PDE11A: variants seen among roughly 807,000 people sequenced by gnomAD.
PDE11A encodes dual 3',5'-cyclic-AMP and -GMP phosphodiesterase 11A.
Under a neutral mutation model 100.5 loss-of-function variants are expected in PDE11A, and 100 were observed. The observed-to-expected ratio is 1.00, with a 90% CI of 0.85 to 1.18. The LOEUF (loss-of-function observed/expected upper bound fraction) is 1.18. Ranked by LOEUF, PDE11A falls within the 50% of genes most tolerant of loss-of-function variation. The pLI is 0.00. For synonymous variants in PDE11A, 381 were observed against 420.8 expected, an observed-to-expected ratio of 0.91 and a Z score of 1.16; for missense variants, 1,141 against 1,152.6, an observed-to-expected ratio of 0.99 and a Z score of 0.15.
chr2:177,884,193 T>C (rs1050816166), intron 4 of PDE11A, among the ~76,000 whole-genome samples: 2 of 152,144 alleles, frequency 1.3e-5, no homozygotes, highest in Non-Finnish European at 2.9e-5. Context: ...TCCCCCAAAA[T>C]AGTAATGATA....
intron 2 of PDE11A, among the ~76,000 whole-genome samples, chr2:177,923,716 T>C (rs1161512106): frequency 1.3e-5 from 2 of 152,228 alleles, no homozygotes; most frequent in Non-Finnish European, 2.9e-5. Context: ...AGATAATAAA[T>C]GTACACAAAT....
intron 19 of PDE11A, among the ~76,000 whole-genome samples, chr2:177,641,590 C>T (rs531631309): frequency 7.2e-5 from 11 of 152,248 alleles, no homozygotes; most frequent in Middle Eastern, 3.4e-3. Flanking sequence ...AGTTCAATGG[C>T]TTTTGAAACT....
At chr2:177,743,660 T>C (rs1220368461) in intron 10 of PDE11A, among the ~76,000 whole-genome samples, 1 of 152,170 alleles carries the variant, frequency 6.6e-6, no homozygotes, top group East Asian at 1.9e-4. Flanking sequence ...CTGCAGTTAG[T>C]TTCTTGTTGA....
chr2:177,844,362 C>A (rs144374057), intron 5 of PDE11A, among the ~76,000 whole-genome samples: 6 of 152,072 alleles, frequency 3.9e-5, no homozygotes, highest in Admixed American at 1.3e-4. Flanking sequence ...TTCATAAGAG[C>A]TCCACCCCCA....
intron 17 of PDE11A, among the ~76,000 whole-genome samples, chr2:177,672,623 A>T (rs1306320713): frequency 6.6e-6 from 1 of 152,222 alleles, no homozygotes; most frequent in Non-Finnish European, 1.5e-5. Context: ...ATAAACTTAC[A>T]GTCTTCGGAG....
chr2:177,924,452 C>A (rs13400109), intron 2 of PDE11A, among the ~76,000 whole-genome samples: 4 of 152,078 alleles, frequency 2.6e-5, no homozygotes, highest in Non-Finnish European at 5.9e-5. Context: ...AGTTTGATTC[C>A]ATGACTTCTC....
At chr2:178,102,428 G>GTTT (rs769341186) in intron 2 of PDE11A, among the ~76,000 whole-genome samples, 5 of 55,366 alleles carry the variant, frequency 9.0e-5, no homozygotes, top group African/African-American at 2.3e-4. Context: ...CCTGGTCTAA[G>GTTT]TTTTTTTTTT....
intron 1 of PDE11A, among the ~76,000 whole-genome samples, chr2:178,042,787 A>ACC (rs2086700629): frequency 6.7e-6 from 1 of 150,128 alleles, no homozygotes; most frequent in Admixed American, 6.8e-5. Flanking sequence ...CTCTAAAATT[A>ACC]TAACTATATT....
At position 177,624,359 on chromosome 2, in the gene PDE11A, T is replaced by C. The variant is rs1390566167; in HGVS notation, c.*5048A>G. 1 of 152,022 alleles carries C rather than the reference T, an allele frequency of 6.6e-6. No homozygotes were observed. The highest frequency in any genetic ancestry group is 1.5e-5 in the Non-Finnish European group (1 of 67,994). 9.4% of individuals were successfully genotyped at this position (152,022 alleles called of 1,614,324 possible). A position where few individuals can be genotyped will look rare whatever the true frequency, so the allele number is the denominator to read the frequency against. ...ACTGGAAGGAAATTGTTTCACACTA[T>C]TACTGGAGATGAAACTGGTTTTTGT... On this transcript the variant is annotated 3_prime_UTR_variant, in exon 20 of 20. Coordinates refer to ENST00000286063, the MANE Select transcript of PDE11A (RefSeq NM_016953.4).
chr2:178,064,688 G>A (rs1455004614), intron 1 of PDE11A, among the ~76,000 whole-genome samples: 4 of 150,662 alleles, frequency 2.7e-5, no homozygotes, highest in East Asian at 2.0e-4. Flanking sequence ...GCCGGGCTCA[G>A]TGGCACACAT....
chr2:177,759,417 A>G (rs1013240453), intron 10 of PDE11A, among the ~76,000 whole-genome samples: 3 of 152,170 alleles, frequency 2.0e-5, no homozygotes, highest in East Asian at 1.9e-4. Flanking sequence ...TATTCCCCCA[A>G]ATAGTCTCTA....
chr2:177,869,158 C>T (rs1051221840), intron 5 of PDE11A, among the ~76,000 whole-genome samples: 1 of 152,226 alleles, frequency 6.6e-6, no homozygotes, highest in South Asian at 2.1e-4. Context: ...ATTCATTTCC[C>T]ATTTCTGCAT....
intron 9 of PDE11A, among the ~76,000 whole-genome samples, chr2:177,775,221 T>C (rs574381269): frequency 6.6e-6 from 1 of 152,288 alleles, no homozygotes; most frequent in African/African-American, 2.4e-5. Flanking sequence ...AATAAGTATG[T>C]GTTGTTTTAA....
At chr2:178,095,451 C>T (rs1385423537) in intron 2 of PDE11A, among the ~76,000 whole-genome samples, 1 of 152,240 alleles carries the variant, frequency 6.6e-6, no homozygotes, top group Non-Finnish European at 1.5e-5. Flanking sequence ...AGCTCCACCC[C>T]TGTGGCTTTG....
intron 12 of PDE11A, among the ~76,000 whole-genome samples, chr2:177,722,367 A>C (rs1330705577): frequency 6.6e-6 from 1 of 152,156 alleles, no homozygotes; most frequent in Non-Finnish European, 1.5e-5. Flanking sequence ...CATGAATGGC[A>C]GCGCTTAAAG....
chr2:177,793,949 A>G (rs920462723), intron 9 of PDE11A, among the ~76,000 whole-genome samples: 1 of 152,218 alleles, frequency 6.6e-6, no homozygotes, highest in African/African-American at 2.4e-5. Flanking sequence ...TTCTCAGTCA[A>G]CAAATATTTA....
At chr2:177,640,464 C>G (rs146997515) in intron 19 of PDE11A, among the ~76,000 whole-genome samples, 1 of 152,272 alleles carries the variant, frequency 6.6e-6, no homozygotes, top group East Asian at 1.9e-4. Flanking sequence ...CTCATGAATT[C>G]GTGTGCCTGT....
At chr2:177,720,980 A>C (rs559357163) in intron 12 of PDE11A, among the ~76,000 whole-genome samples, 24 of 152,302 alleles carry the variant, frequency 1.6e-4, no homozygotes, top group Admixed American at 3.3e-4. Flanking sequence ...TAAGTCTCAG[A>C]AAGGCAACAC....
At chr2:177,800,543 C>T (rs4243392) in intron 9 of PDE11A, among the ~76,000 whole-genome samples, 124,496 of 152,100 alleles carry the variant, frequency 0.82, 51,223 homozygotes, top group East Asian at 0.98. Context: ...CTCGTAGCAG[C>T]GTATGCTGAG....
Sources: allele counts gnomAD v4.1 joint callset (sites outside exome capture counted in the v4.1 genomes callset), GRCh38; gene constraint gnomAD v4.1.1; transcripts MANE v1.5; gene names NCBI Gene and HGNC (gene_info 2026-07-23, HGNC 2026-07-21).